Variants in MDGA2 observed in about 807,000 individuals in gnomAD.
The protein encoded by MDGA2 is MAM domain-containing glycosylphosphatidylinositol anchor protein 2.
In MDGA2, 40 loss-of-function variants were observed where a neutral mutation model predicts 117.8. The observed-to-expected ratio is 0.34, with a 90% CI of 0.26 to 0.44. The LOEUF (loss-of-function observed/expected upper bound fraction) is 0.44. MDGA2 is among the 20% of genes least tolerant of loss of function. MDGA2 has a pLI of 1.00. For missense variants in MDGA2, 1,123 were observed against 1,250.6 expected, an observed-to-expected ratio of 0.90 and a Z score of 1.54; for synonymous variants, 452 against 439.0, an observed-to-expected ratio of 1.03 and a Z score of -0.37.
chr14:47,274,664 G>T (rs1888254837), intron 2 of MDGA2, among the ~76,000 whole-genome samples: 2 of 152,092 alleles, frequency 1.3e-5, no homozygotes, highest in African/African-American at 4.8e-5. Flanking sequence ...AGTTCTTCAA[G>T]GTGGCTGCAT....
intron 4 of MDGA2, among the ~76,000 whole-genome samples, chr14:47,140,254 C>G (rs1882660812): frequency 6.6e-6 from 1 of 151,966 alleles, no homozygotes; most frequent in African/African-American, 2.4e-5. Context: ...AATGTCTGTG[C>G]TATCCAAAGT....
At chr14:47,585,313 C>A (rs965809110) in intron 1 of MDGA2, among the ~76,000 whole-genome samples, 5 of 151,850 alleles carry the variant, frequency 3.3e-5, no homozygotes, top group African/African-American at 9.7e-5. Context: ...AGCATTAGCA[C>A]CACTCAGCTT....
intron 10 of MDGA2, among the ~76,000 whole-genome samples, chr14:46,907,401 G>A (rs1883541030): frequency 6.6e-6 from 1 of 152,088 alleles, no homozygotes; most frequent in African/African-American, 2.4e-5. Flanking sequence ...TTTGCAAAAT[G>A]CCAATTCTCT....
chr14:46,993,909 C>G (rs188450489), intron 8 of MDGA2, among the ~76,000 whole-genome samples: 2 of 152,062 alleles, frequency 1.3e-5, no homozygotes, highest in Non-Finnish European at 2.9e-5. Context: ...CCATGTTATA[C>G]GTGATACAAG....
chr14:47,434,304 G>A (rs1892855610), intron 1 of MDGA2, among the ~76,000 whole-genome samples: 1 of 152,016 alleles, frequency 6.6e-6, no homozygotes, highest in African/African-American at 2.4e-5. Context: ...CCAGTAATTT[G>A]TTACTTATAG....
chr14:47,351,597 C>A (rs1401909933), intron 1 of MDGA2, among the ~76,000 whole-genome samples: 1 of 152,050 alleles, frequency 6.6e-6, no homozygotes, highest in Non-Finnish European at 1.5e-5. Flanking sequence ...GGACTCTTAG[C>A]CTTTAATGAG....
At chr14:47,582,580 G>C (rs1357783601) in intron 1 of MDGA2, among the ~76,000 whole-genome samples, 2 of 151,750 alleles carry the variant, frequency 1.3e-5, no homozygotes, top group East Asian at 1.9e-4. Flanking sequence ...TTTCAATATA[G>C]AGTGTCAGCA....
intron 3 of MDGA2, among the ~76,000 whole-genome samples, chr14:47,166,919 C>T (rs1883903142): frequency 6.6e-6 from 1 of 152,108 alleles, no homozygotes; most frequent in Admixed American, 6.5e-5. Flanking sequence ...GCTGACAAGA[C>T]AGTGTGTGTG....
At chr14:47,406,995 T>G (rs12588789) in intron 1 of MDGA2, among the ~76,000 whole-genome samples, 53,082 of 151,916 alleles carry the variant, frequency 0.35, 9,685 homozygotes, top group East Asian at 0.56. Flanking sequence ...TGTGAATATT[T>G]TCTCATTTCC....
At chr14:47,217,143 T>C (rs956385079) in intron 3 of MDGA2, among the ~76,000 whole-genome samples, 1 of 152,032 alleles carries the variant, frequency 6.6e-6, no homozygotes, top group Non-Finnish European at 1.5e-5. Flanking sequence ...GGTAACATCC[T>C]ATCCTGCAAT....
intron 1 of MDGA2, among the ~76,000 whole-genome samples, chr14:47,438,329 T>C (rs752045362): frequency 8.5e-5 from 13 of 152,134 alleles, no homozygotes; most frequent in South Asian, 2.1e-4. Flanking sequence ...CGAAAGTTAC[T>C]GTCCTCTCCA....
At chr14:47,156,554 G>C (rs1343532253) in intron 3 of MDGA2, among the ~76,000 whole-genome samples, 1 of 152,106 alleles carries the variant, frequency 6.6e-6, no homozygotes, top group African/African-American at 2.4e-5. Context: ...GAAGTCACAG[G>C]ATGTAGTCAC....
chr14:47,275,138 A>G (rs1484199682), intron 2 of MDGA2, among the ~76,000 whole-genome samples: 2 of 152,200 alleles, frequency 1.3e-5, no homozygotes, highest in African/African-American at 4.8e-5. Flanking sequence ...AAATCACCTC[A>G]GCTTAGGTTT....
chr14:47,172,431 G>A (rs1041974384), intron 3 of MDGA2, among the ~76,000 whole-genome samples: 5 of 151,442 alleles, frequency 3.3e-5, no homozygotes, highest in Admixed American at 2.0e-4. Context: ...CACACGGCCG[G>A]GTACTCCTCT....
At chr14:46,876,937 T>C (rs1446009916) in intron 12 of MDGA2, among the ~76,000 whole-genome samples, 1 of 151,590 alleles carries the variant, frequency 6.6e-6, no homozygotes, top group Admixed American at 6.6e-5. Context: ...TATCATCTTA[T>C]AACATTTAAT....
In MDGA2 at chr14:47,675,240, C is replaced by T. The variant is rs1425695861; in HGVS notation, c.-444G>A. 2.0e-5 allele frequency among the ~76,000 whole-genome samples: 3 copies of T among 152,098 alleles called. No homozygotes were observed. The highest frequency in any genetic ancestry group is 2.9e-5 in the Non-Finnish European group (2 of 68,014). On this transcript the variant is annotated 5_prime_UTR_variant, in exon 1 of 17. Coordinates refer to ENST00000399232, the MANE Select transcript of MDGA2 (RefSeq NM_001113498.3). ...CCCCCAGCCCTGCTGTCTTGCCTTCCCCCATTCCATCAGTTGCCATTGCAA... is the reference window on the plus strand; with the variant it reads ...CCCCCAGCCCTGCTGTCTTGCCTTCTCCCATTCCATCAGTTGCCATTGCAA...
At chr14:46,924,101 T>A (rs1307097850) in intron 9 of MDGA2, among the ~76,000 whole-genome samples, 1 of 152,020 alleles carries the variant, frequency 6.6e-6, no homozygotes, top group African/African-American at 2.4e-5. Flanking sequence ...ACTATATTCA[T>A]TAACTGAACT....
At chr14:47,170,888 G>T (rs555652042) in intron 3 of MDGA2, among the ~76,000 whole-genome samples, 52 of 152,214 alleles carry the variant, frequency 3.4e-4, no homozygotes, top group African/African-American at 1.1e-3. Context: ...TTAACGACGT[G>T]AACAAAAGGA....
intron 2 of MDGA2, among the ~76,000 whole-genome samples, chr14:47,274,653 T>C (rs922284512): frequency 3.3e-5 from 5 of 152,168 alleles, no homozygotes; most frequent in Non-Finnish European, 5.9e-5. Flanking sequence ...AATTCTCAAA[T>C]AGTTCTTCAA....
Sources: allele counts gnomAD v4.1 joint callset (sites outside exome capture counted in the v4.1 genomes callset), GRCh38; gene constraint gnomAD v4.1.1; transcripts MANE v1.5; gene names NCBI Gene and HGNC (gene_info 2026-07-23, HGNC 2026-07-21).